Variants in MYRIP observed in about 807,000 individuals in gnomAD.
The protein encoded by MYRIP is myosin VIIA and Rab interacting protein, also known as rab effector MyRIP.
A neutral mutation model predicts 98.0 loss-of-function variants in MYRIP; 49 were observed. The observed-to-expected ratio is 0.50, with a 90% CI of 0.40 to 0.63. MYRIP has a LOEUF of 0.63. MYRIP is among the 30% of genes least tolerant of loss of function. The pLI is 0.00. For missense variants in MYRIP, 1,004 were observed against 1,058.2 expected (o/e 0.95, Z 0.71); for synonymous variants, 404 against 409.5 (o/e 0.99, Z 0.16).
chr3:40,149,880 A>C (rs879227131), intron 3 of MYRIP, among the ~76,000 whole-genome samples: 1 of 152,166 alleles, frequency 6.6e-6, no homozygotes, highest in Non-Finnish European at 1.5e-5. Context: ...TGGGGTCTGG[A>C]AAAGAAGAGC....
At chr3:40,025,378 G>T (rs999430153) in intron 2 of MYRIP, among the ~76,000 whole-genome samples, 4 of 151,788 alleles carry the variant, frequency 2.6e-5, no homozygotes, top group Non-Finnish European at 5.9e-5. Flanking sequence ...TTATAACACC[G>T]TCAGGGGCAG....
At chr3:40,039,516 GGGGGATCT>G (rs1947462270) in intron 2 of MYRIP, among the ~76,000 whole-genome samples, 1 of 152,014 alleles carries the variant, frequency 6.6e-6, no homozygotes, top group Non-Finnish European at 1.5e-5. Context: ...GAAGATCAGT[GGGGGATCT>G]CAAGCAGATA....
At chr3:39,982,941 T>C (rs1351172481) in intron 2 of MYRIP, among the ~76,000 whole-genome samples, 1 of 152,198 alleles carries the variant, frequency 6.6e-6, no homozygotes. Context: ...GTGTAGAATA[T>C]TACTTTTGAC....
At chr3:40,093,346 C>A (rs764862012) in intron 3 of MYRIP, among the ~76,000 whole-genome samples, 2 of 152,208 alleles carry the variant, frequency 1.3e-5, no homozygotes, top group Non-Finnish European at 2.9e-5. Flanking sequence ...CCTTAATAAC[C>A]ACCACCTGGC....
intron 2 of MYRIP, among the ~76,000 whole-genome samples, chr3:40,025,789 G>A (rs1034683131): frequency 1.3e-5 from 2 of 152,082 alleles, no homozygotes; most frequent in Non-Finnish European, 1.5e-5. Flanking sequence ...GGGGGTGTAC[G>A]AACAGGGAGT....
At chr3:39,819,012 C>T (rs1030976233) in intron 1 of MYRIP, among the ~76,000 whole-genome samples, 2 of 152,218 alleles carry the variant, frequency 1.3e-5, no homozygotes, top group East Asian at 1.9e-4. Context: ...TTGAATATTG[C>T]ATCATATAAG....
chr3:40,064,201 A>AGTT (rs1238248864), intron 3 of MYRIP, among the ~76,000 whole-genome samples: 6 of 151,678 alleles, frequency 4.0e-5, no homozygotes, highest in Admixed American at 1.3e-4. Context: ...CCCCTTTTAC[A>AGTT]GTTGTGGAAA....
chr3:40,034,373 C>T (rs1947329922), intron 2 of MYRIP, among the ~76,000 whole-genome samples: 1 of 151,970 alleles, frequency 6.6e-6, no homozygotes, highest in African/African-American at 2.4e-5. Context: ...AACAAATTTA[C>T]AAGAAAAAAA....
intron 1 of MYRIP, among the ~76,000 whole-genome samples, chr3:39,818,088 AT>A (rs1435836817): frequency 6.6e-6 from 1 of 152,098 alleles, no homozygotes; most frequent in African/African-American, 2.4e-5. Flanking sequence ...ATGTACTGTA[AT>A]TTGTTCAATG....
chr3:39,832,939 T>A (rs1941495369), intron 1 of MYRIP, among the ~76,000 whole-genome samples: 1 of 152,194 alleles, frequency 6.6e-6, no homozygotes, highest in African/African-American at 2.4e-5. Flanking sequence ...TGCACAAAAA[T>A]GTTTATCATA....
At chr3:40,100,066 G>A in intron 3 of MYRIP, 1 of 985,218 alleles carries the variant, frequency 1.0e-6, no homozygotes, top group Non-Finnish European at 1.2e-6. Flanking sequence ...TCTCTACCCA[G>A]AGCCCTGTGT....
chr3:40,039,810 G>A lies in MYRIP; in HGVS notation c.111-4240G>A, dbSNP rs544307554. 5.9e-5 allele frequency among the ~76,000 whole-genome samples: 9 copies of A among 151,900 alleles called. No homozygotes were observed. In the South Asian group the frequency reaches 1.5e-3, roughly 25 times the overall value. On this transcript the variant is annotated intron_variant, in intron 2 of 16. Coordinates refer to ENST00000302541, the MANE Select transcript of MYRIP (RefSeq NM_015460.4). ...ACAAATAGGTGGCTTAAAACAATAA[G>A]AATGTATTGTCTCCCTCTTCTGTAG...
chr3:40,097,452 T>C (rs546370544), intron 3 of MYRIP, among the ~76,000 whole-genome samples: 1 of 152,214 alleles, frequency 6.6e-6, no homozygotes, highest in South Asian at 2.1e-4. Flanking sequence ...TTGGTCAGTG[T>C]TTTCAATTTT....
intron 2 of MYRIP, among the ~76,000 whole-genome samples, chr3:39,955,973 G>C (rs1945148954): frequency 6.6e-6 from 1 of 152,154 alleles, no homozygotes; most frequent in African/African-American, 2.4e-5. Context: ...CACAAGAAGA[G>C]CTAACTATCC....
intron 2 of MYRIP, among the ~76,000 whole-genome samples, chr3:39,993,225 A>T (rs1383401357): frequency 6.6e-6 from 1 of 152,184 alleles, no homozygotes; most frequent in Non-Finnish European, 1.5e-5. Flanking sequence ...CCACTCCCAC[A>T]ATAATGAGCC....
chr3:39,951,037 G>C lies in MYRIP; in HGVS notation c.110+50111G>C, dbSNP rs376662452. Among the ~76,000 whole-genome samples, 290 of 152,250 alleles carry C rather than the reference G, an allele frequency of 1.9e-3. 1 individual carries two copies. Among genetic ancestry groups the C allele is most frequent in the Non-Finnish European group, 2.4e-3 (166 of 68,008 alleles). Reference sequence around the variant, plus strand: ...TCAGTTAATATATTTTGGAAACTCTGACTGAGAAACAGTGGCCATATGGGT... The same window carrying C: ...TCAGTTAATATATTTTGGAAACTCTCACTGAGAAACAGTGGCCATATGGGT... On this transcript the variant is annotated intron_variant, in intron 2 of 16. Coordinates refer to ENST00000302541, the MANE Select transcript of MYRIP (RefSeq NM_015460.4).
chr3:40,027,818 G>A (rs534531873), intron 2 of MYRIP, among the ~76,000 whole-genome samples: 4 of 152,194 alleles, frequency 2.6e-5, no homozygotes, highest in South Asian at 2.1e-4. Flanking sequence ...GGCTATCAAG[G>A]GGTGGCAAGA....
At chr3:40,051,584 G>A (rs1480724803) in intron 3 of MYRIP, among the ~76,000 whole-genome samples, 2 of 151,998 alleles carry the variant, frequency 1.3e-5, no homozygotes, top group Admixed American at 6.6e-5. Context: ...TGGTGGTCTG[G>A]AACTGAACCC....
At chr3:39,919,020 C>A (rs917345330) in intron 2 of MYRIP, among the ~76,000 whole-genome samples, 2 of 152,224 alleles carry the variant, frequency 1.3e-5, no homozygotes, top group African/African-American at 4.8e-5. Context: ...AGATGCAAAT[C>A]TCTCCCACAA....
Sources: gnomAD v4.1 joint callset for allele counts (sites outside exome capture counted in the v4.1 genomes callset) on GRCh38, gnomAD v4.1.1 for gene constraint, MANE v1.5 for transcripts, NCBI Gene and HGNC (gene_info 2026-07-23, HGNC 2026-07-21) for gene names.